The following PTPRM variants were observed in gnomAD, a reference collection of about 807,000 sequenced individuals.
PTPRM encodes the protein protein tyrosine phosphatase receptor type M.
Under a neutral mutation model 186.7 loss-of-function variants are expected in PTPRM, and 47 were observed. The observed-to-expected ratio is 0.25, with a 90% confidence interval of 0.20 to 0.32. The LOEUF is 0.32. Among genes scored for constraint, PTPRM ranks in the 10% least tolerant of loss-of-function variants. The pLI, the probability that PTPRM is intolerant of heterozygous loss-of-function variation, is 1.00. For synonymous variants in PTPRM, 668 were observed against 674.9 expected (o/e 0.99, Z 0.16); for missense variants, 1,494 against 1,865.0 (o/e 0.80, Z 3.66).
chr18:7,639,750 A>G (rs1259936559), intron 1 of PTPRM, among the ~76,000 whole-genome samples: 1 of 152,206 alleles, frequency 6.6e-6, no homozygotes, highest in Non-Finnish European at 1.5e-5. Context: ...GTGAACAAGC[A>G]GATATCATCC....
Position 8,069,931 on chromosome 18 carries a change from A to T in PTPRM, c.1378A>T (p.Ile460Phe). Reference protein sequence around the residue: ...SPYTNVSVKLILMNPEGRKES... With the variant: ...SPYTNVSVKLFLMNPEGRKES... ...ATACACCAATGTCAGTGTGAAACTG[A>T]TCCTCATGAACCCAGAGGGCCGGAA... Residue 460 changes from isoleucine (I) to phenylalanine (F), a missense_variant, in exon 8 of 33, where the codon ATC becomes TTC. By Grantham distance (21) the Ile-to-Phe change is conservative. This residue lies in a region of PTPRM where 1,107 missense variants were observed against 1,350.2 expected (regional missense o/e 0.82). Transcript: ENST00000580170. The T allele has an allele frequency of 6.2e-7, 1 of 1,614,066 alleles. No individual in the cohort carries two copies.
At chr18:7,984,602 T>TATATATATATATATATACAC (rs1214502563) in intron 7 of PTPRM, among the ~76,000 whole-genome samples, 21 of 87,160 alleles carry the variant, frequency 2.4e-4, no homozygotes, top group African/African-American at 9.8e-4. Flanking sequence ...TATATATATA[T>TATATATATATATATATACAC]ACACACACAC....
chr18:8,145,268 A>G (rs1236985935), intron 14 of PTPRM, among the ~76,000 whole-genome samples: 2 of 152,212 alleles, frequency 1.3e-5, no homozygotes, highest in African/African-American at 4.8e-5. Context: ...GAACATAGGA[A>G]CTACAAAATG....
chr18:7,635,585 G>T (rs1428329280), intron 1 of PTPRM, among the ~76,000 whole-genome samples: 2 of 151,872 alleles, frequency 1.3e-5, no homozygotes, highest in Non-Finnish European at 2.9e-5. Flanking sequence ...AGATAATTTT[G>T]TACATTGTAA....
intron 1 of PTPRM, among the ~76,000 whole-genome samples, chr18:7,600,415 C>T (rs1285972321): frequency 1.3e-5 from 2 of 152,196 alleles, no homozygotes; most frequent in Non-Finnish European, 2.9e-5. Flanking sequence ...CTTTCAAATC[C>T]AGCACATAAC....
At position 8,182,267 on chromosome 18, in the gene PTPRM, G is replaced by A. The variant is rs375223279; in HGVS notation, c.2300+38488G>A. On this transcript the variant is annotated intron_variant, in intron 14 of 32. Transcript: ENST00000580170. ...GTACGTGTGCAGGTTTGTTACTTGG[G>A]TATATTGCATGATGCTGAGGTTTGG... Among the ~76,000 whole-genome samples, 28 of 151,970 alleles carry A rather than the reference G, an allele frequency of 1.8e-4. 1 individual carries two copies. The East Asian group carries it at 3.7e-3, about 20-fold the overall frequency.
At chr18:7,922,381 C>T (rs943014015) in intron 4 of PTPRM, among the ~76,000 whole-genome samples, 1 of 152,226 alleles carries the variant, frequency 6.6e-6, no homozygotes, top group African/African-American at 2.4e-5. Context: ...GATATTTCTC[C>T]CTTCAGGCAC....
At chr18:7,614,264 A>G (rs2037749861) in intron 1 of PTPRM, among the ~76,000 whole-genome samples, 1 of 152,238 alleles carries the variant, frequency 6.6e-6, no homozygotes, top group South Asian at 2.1e-4. Flanking sequence ...ACAGTAATAA[A>G]GTACACACAG....
intron 1 of PTPRM, among the ~76,000 whole-genome samples, chr18:7,723,728 T>G (rs1266107369): frequency 6.6e-6 from 1 of 152,194 alleles, no homozygotes; most frequent in Non-Finnish European, 1.5e-5. Flanking sequence ...GGCATGTTCC[T>G]TGCGCCACTT....
intron 1 of PTPRM, among the ~76,000 whole-genome samples, chr18:7,677,606 C>G (rs183782973): frequency 6.6e-6 from 1 of 152,156 alleles, no homozygotes; most frequent in Non-Finnish European, 1.5e-5. Context: ...ATTCTTGGAA[C>G]AGGTGTCTGG....
At chr18:7,846,383 A>T (rs891608595) in intron 2 of PTPRM, among the ~76,000 whole-genome samples, 2 of 152,248 alleles carry the variant, frequency 1.3e-5, no homozygotes, top group Admixed American at 6.5e-5. Flanking sequence ...GTTCCAAAAG[A>T]ATCATAGGTA....
chr18:8,023,220 G>T (rs1341970899), intron 7 of PTPRM, among the ~76,000 whole-genome samples: 1 of 152,056 alleles, frequency 6.6e-6, no homozygotes, highest in Non-Finnish European at 1.5e-5. Context: ...GGAAGGAAAA[G>T]GGCTGATGGC....
At chr18:7,838,871 T>C (rs1309143955) in intron 2 of PTPRM, among the ~76,000 whole-genome samples, 1 of 152,170 alleles carries the variant, frequency 6.6e-6, no homozygotes, top group Admixed American at 6.5e-5. Flanking sequence ...GAGCTGGCAC[T>C]CAAACCACAA....
chr18:7,763,904 A>C (rs1286184253), intron 1 of PTPRM, among the ~76,000 whole-genome samples: 1 of 151,944 alleles, frequency 6.6e-6, no homozygotes, highest in African/African-American at 2.4e-5. Context: ...GGATTTGTAA[A>C]TCACACTAAA....
chr18:8,254,464 A>G (rs1186463725), intron 19 of PTPRM, among the ~76,000 whole-genome samples: 8 of 152,238 alleles, frequency 5.3e-5, no homozygotes, highest in African/African-American at 1.9e-4. Flanking sequence ...GCAGTCATTG[A>G]TGAAGTTAAA....
At chr18:8,190,468 G>T (rs1320806258) in intron 14 of PTPRM, among the ~76,000 whole-genome samples, 1 of 152,150 alleles carries the variant, frequency 6.6e-6, no homozygotes. Flanking sequence ...TCCCATTTTT[G>T]TAAATGATAG....
Position 8,144,483 on chromosome 18 carries a change from G to A in PTPRM, c.2300+704G>A, listed in dbSNP as rs116681377. ...CAATAAATACAAAAATTTGTTGGGC[G>A]TGGTGGCACACACCTGTAGTCTCAG... On this transcript the variant is annotated intron_variant, in intron 14 of 32. Coordinates refer to ENST00000580170, the MANE Select transcript of PTPRM (RefSeq NM_001105244.2). Among the ~76,000 whole-genome samples, 1,436 of 152,242 alleles carry A rather than the reference G, an allele frequency of 9.4e-3. 14 individuals are homozygous for A. Among genetic ancestry groups the A allele is most frequent in the African/African-American group, 0.033 (1,380 of 41,536 alleles).
Position 7,668,420 on chromosome 18 carries a change from A to G in PTPRM, c.73+100529A>G, listed in dbSNP as rs990362284. Reference sequence around the variant, plus strand: ...GCTCTCAGCTGCAACGGTATTTAACACGTTTTACACATTTTTGTTGGATAT... The same window carrying G: ...GCTCTCAGCTGCAACGGTATTTAACGCGTTTTACACATTTTTGTTGGATAT... On this transcript the variant is annotated intron_variant, in intron 1 of 32. Coordinates refer to ENST00000580170, the MANE Select transcript of PTPRM (RefSeq NM_001105244.2). This position sits in a 1 kb window ranked among gnomAD's most constrained non-coding sequence, Gnocchi z 4.7. Among the ~76,000 whole-genome samples the G allele has an allele frequency of 3.9e-5, 6 of 152,236 alleles. No homozygotes were observed. Among genetic ancestry groups the G allele is most frequent in the African/African-American group, 1.4e-4 (6 of 41,466 alleles).
intron 14 of PTPRM, among the ~76,000 whole-genome samples, chr18:8,169,456 T>C (rs2093367415): frequency 6.6e-6 from 1 of 152,174 alleles, no homozygotes; most frequent in African/African-American, 2.4e-5. Flanking sequence ...GTAATAGGTC[T>C]ACTTCCCCTG....
Sources: gnomAD v4.1 joint callset for allele counts (sites outside exome capture counted in the v4.1 genomes callset) on GRCh38, gnomAD v4.1.1 for gene constraint, gnomAD v4.1.1 regional missense constraint, Gnocchi (gnomAD v3.1) non-coding constraint, MANE v1.5 for transcripts, NCBI Gene and HGNC (gene_info 2026-07-23, HGNC 2026-07-21) for gene names.